The following GRB14 variants were observed in gnomAD, a reference collection of about 807,000 sequenced individuals.
GRB14 encodes the protein growth factor receptor bound protein 14.
A neutral mutation model predicts 69.1 loss-of-function variants in GRB14; 38 were observed. That is an observed-to-expected ratio of 0.55 (90% CI 0.42 to 0.72). The LOEUF is 0.72. GRB14 is among the 30% of genes least tolerant of loss of function. The pLI is 0.00. For synonymous variants in GRB14, 247 were observed against 241.3 expected (o/e 1.02, Z -0.22); for missense variants, 666 against 666.1 (o/e 1.00, Z 0.00).
intron 2 of GRB14, among the ~76,000 whole-genome samples, chr2:164,566,212 G>C (rs1559053980): frequency 6.6e-6 from 1 of 152,104 alleles, no homozygotes; most frequent in Non-Finnish European, 1.5e-5. Context: ...TTAATTACAA[G>C]TATGAAATAA....
chr2:164,615,331 A>G (rs554510362), intron 2 of GRB14, among the ~76,000 whole-genome samples: 1 of 152,312 alleles, frequency 6.6e-6, no homozygotes, highest in East Asian at 1.9e-4. Flanking sequence ...GAGAAGATGG[A>G]GAAGAAAGCT....
intron 2 of GRB14, among the ~76,000 whole-genome samples, chr2:164,591,347 A>C (rs942879809): frequency 1.3e-5 from 2 of 152,152 alleles, no homozygotes; most frequent in African/African-American, 4.8e-5. Flanking sequence ...AAAATCTTGA[A>C]GGTCAAAAAG....
At chr2:164,596,084 G>A (rs1420379210) in intron 2 of GRB14, among the ~76,000 whole-genome samples, 9 of 152,060 alleles carry the variant, frequency 5.9e-5, no homozygotes, top group East Asian at 1.9e-4. Context: ...AGATTGCACC[G>A]CTGCACTCCA....
At chr2:164,493,653 T>A (rs1220541971) in intron 13 of GRB14, among the ~76,000 whole-genome samples, 3 of 152,188 alleles carry the variant, frequency 2.0e-5, no homozygotes, top group South Asian at 2.1e-4. Flanking sequence ...TTCTTTTTTT[T>A]AAATCAGTGA....
intron 4 of GRB14, 29 bp from the exon 5 acceptor site, chr2:164,525,107 CA>C: frequency 7.4e-7 from 1 of 1,359,066 alleles, no homozygotes; most frequent in Non-Finnish European, 1.0e-6. Flanking sequence ...TAAATTATCA[CA>C]AAATTCATGC....
intron 2 of GRB14, among the ~76,000 whole-genome samples, chr2:164,554,648 A>G (rs1688632439): frequency 6.6e-6 from 1 of 152,168 alleles, no homozygotes; most frequent in Non-Finnish European, 1.5e-5. Context: ...TACAGCTTCA[A>G]AAACTGCCCT....
At chr2:164,567,447 A>G (rs1232926430) in intron 2 of GRB14, among the ~76,000 whole-genome samples, 1 of 152,188 alleles carries the variant, frequency 6.6e-6, no homozygotes, top group Non-Finnish European at 1.5e-5. Flanking sequence ...TTAACAGTTA[A>G]CTATTAAAAG....
chr2:164,539,380 C>T (rs1002303823), intron 3 of GRB14, among the ~76,000 whole-genome samples: 3 of 151,830 alleles, frequency 2.0e-5, no homozygotes, highest in African/African-American at 4.8e-5. Flanking sequence ...GAGTCTGAGG[C>T]GCAAGAATCA....
Position 164,497,438 on chromosome 2 carries a change from C to T in GRB14, c.1157G>A (p.Ser386Asn), listed in dbSNP as rs1318697107. 1.2e-6 allele frequency: 2 copies of T among 1,613,766 alleles called. No homozygotes were observed. Among genetic ancestry groups the T allele is most frequent in the East Asian group, 2.2e-5 (1 of 44,860 alleles). Residue 386 changes from serine to asparagine, a missense_variant, in exon 10 of 14, where the codon AGC becomes AAC. By Grantham distance (46) the Ser-to-Asn change is conservative. Transcript: ENST00000263915. ...TTCAGTGGGATTTTCTATAACTCTG[C>T]TTTTCTGGCCTGAGAAGTCCATTGC... Reference protein sequence around the residue: ...LVAMDFSGQKSRVIENPTEAL... With the variant: ...LVAMDFSGQKNRVIENPTEAL...
chr2:164,520,593 T>C (rs10210468), intron 6 of GRB14, among the ~76,000 whole-genome samples: 47,307 of 151,910 alleles, frequency 0.31, 10,009 homozygotes, highest in Non-Finnish European at 0.46. Flanking sequence ...GAGAAAATAT[T>C]TGCAATTTCT....
At chr2:164,518,464 A>G (rs1687550672) in intron 6 of GRB14, among the ~76,000 whole-genome samples, 1 of 152,192 alleles carries the variant, frequency 6.6e-6, no homozygotes, top group Non-Finnish European at 1.5e-5. Context: ...AAGGAACTAG[A>G]GAAACAAGAA....
intron 6 of GRB14, among the ~76,000 whole-genome samples, chr2:164,515,061 C>A (rs1191069962): frequency 2.0e-5 from 3 of 152,136 alleles, no homozygotes; most frequent in Non-Finnish European, 1.5e-5. Flanking sequence ...GCAAGCCCTG[C>A]CCAAGGAGAG....
intron 3 of GRB14, among the ~76,000 whole-genome samples, chr2:164,532,549 A>C (rs1490093791): frequency 1.3e-5 from 2 of 152,188 alleles, no homozygotes; most frequent in East Asian, 3.9e-4. Flanking sequence ...CCAATCACAT[A>C]TATCCTTTTA....
intron 8 of GRB14, among the ~76,000 whole-genome samples, chr2:164,507,766 T>C (rs1473555766): frequency 6.6e-6 from 1 of 152,190 alleles, no homozygotes; most frequent in Non-Finnish European, 1.5e-5. Flanking sequence ...TTGATAAGTA[T>C]ACAGTTTAAG....
At chr2:164,506,607 T>C (rs1350813382) in intron 8 of GRB14, among the ~76,000 whole-genome samples, 1 of 152,186 alleles carries the variant, frequency 6.6e-6, no homozygotes, top group East Asian at 1.9e-4. Context: ...CATTACAACA[T>C]GTATTCCCCC....
intron 5 of GRB14, 111 bp from the exon 6 acceptor site, chr2:164,522,228 A>G (rs1297106665): frequency 1.5e-6 from 1 of 654,512 alleles, no homozygotes; most frequent in Non-Finnish European, 2.7e-6. Flanking sequence ...ACACAAGATC[A>G]TAACATATAA....
At chr2:164,600,064 C>A (rs912811373) in intron 2 of GRB14, among the ~76,000 whole-genome samples, 1 of 152,076 alleles carries the variant, frequency 6.6e-6, no homozygotes, top group African/African-American at 2.4e-5. Context: ...ATAATGCAAC[C>A]TAGAATAATT....
At chr2:164,535,630 C>A (rs193036244) in intron 3 of GRB14, among the ~76,000 whole-genome samples, 4 of 152,318 alleles carry the variant, frequency 2.6e-5, no homozygotes, top group Admixed American at 2.6e-4. Flanking sequence ...AAACTACATA[C>A]ATTTTGTCAA....
chr2:164,495,838 C>T (rs1336064808), intron 12 of GRB14, among the ~76,000 whole-genome samples: 1 of 152,226 alleles, frequency 6.6e-6, no homozygotes, highest in Non-Finnish European at 1.5e-5. Context: ...GGCACCATCA[C>T]ATCTCTCCAA....
Sources: allele counts gnomAD v4.1 joint callset (sites outside exome capture counted in the v4.1 genomes callset), GRCh38; gene constraint gnomAD v4.1.1; transcripts MANE v1.5; gene names NCBI Gene and HGNC (gene_info 2026-07-23, HGNC 2026-07-21).